Variants in RNF150 observed in about 807,000 individuals in gnomAD.
RNF150 encodes ring finger protein 150.
In RNF150, 24 loss-of-function variants were observed where a neutral mutation model predicts 39.3. The ratio of observed to expected loss-of-function variants is 0.61; its 90% confidence interval spans 0.44 to 0.86. The LOEUF is 0.86. RNF150 is among the 40% of genes least tolerant of loss of function. RNF150 has a pLI of 0.00. For missense variants in RNF150, 502 were observed against 587.8 expected (o/e 0.85, Z 1.51); for synonymous variants, 255 against 227.3 (o/e 1.12, Z -1.10).
chr4:141,100,178 C>T (rs1368620805), intron 1 of RNF150, among the ~76,000 whole-genome samples: 1 of 152,132 alleles, frequency 6.6e-6, no homozygotes, highest in Non-Finnish European at 1.5e-5. Flanking sequence ...CTTCTTTACC[C>T]AAATGCTATT....
At chr4:140,991,653 G>T (rs1340314676) in intron 1 of RNF150, among the ~76,000 whole-genome samples, 3 of 152,132 alleles carry the variant, frequency 2.0e-5, no homozygotes, top group Admixed American at 2.0e-4. Flanking sequence ...CCTTAAATAG[G>T]ATTCTAATTA....
chr4:141,033,781 T>C (rs752902983), intron 1 of RNF150, among the ~76,000 whole-genome samples: 20 of 152,200 alleles, frequency 1.3e-4, no homozygotes, highest in Non-Finnish European at 2.6e-4. Flanking sequence ...TGAGCAATCA[T>C]ATTTTGAAAG....
rs566213482 is a variant in RNF150 at position 140,919,658 on chromosome 4, A to C, written c.987+6319T>G. ...TGCCATCCCCATCAAGCTACCAATG[A>C]CTTTCTTCACAGAACTGGAAAAAAC... is the stretch of plus-strand genomic sequence containing the variant. On this transcript the variant is annotated intron_variant, in intron 5 of 6. Transcript: ENST00000515673. Among the ~76,000 whole-genome samples the C allele has an allele frequency of 2.0e-3, 308 of 150,664 alleles. 1 individual carries two copies. The highest frequency in any genetic ancestry group is 6.9e-3 in the African/African-American group (282 of 41,052).
At chr4:141,005,425 G>C (rs1175259238) in intron 1 of RNF150, among the ~76,000 whole-genome samples, 1 of 152,154 alleles carries the variant, frequency 6.6e-6, no homozygotes, top group African/African-American at 2.4e-5. Flanking sequence ...TTAAGCAGAG[G>C]AGAAGGAGCC....
chr4:141,172,981 G>A (rs1343327005), intron 1 of RNF150, among the ~76,000 whole-genome samples: 6 of 151,890 alleles, frequency 4.0e-5, no homozygotes, highest in Admixed American at 6.6e-5. Context: ...AGCCAAGATC[G>A]CGGCATTGCA....
intron 1 of RNF150, among the ~76,000 whole-genome samples, chr4:141,209,644 C>G (rs921094309): frequency 6.6e-6 from 1 of 152,050 alleles, no homozygotes; most frequent in South Asian, 2.1e-4. Context: ...GATTGGGTTG[C>G]TTGTCTTTTT....
rs2111141696 is a variant in RNF150, at chr4:141,151,500, A to G, written c.-6+61294T>C. ...AATTTAAGTCAATACTGAGAACTGT[A>G]GGAATGTTTTTCTTTAAAATGGTTA... On this transcript the variant is annotated intron_variant, in intron 1 of 7. Transcript: ENST00000420921. Among the ~76,000 whole-genome samples the G allele has an allele frequency of 3.3e-5, 5 of 151,582 alleles. No individual in the cohort carries two copies. The South Asian group carries it at 1.0e-3, about 32-fold the overall frequency.
At position 140,892,979 on chromosome 4, in the gene RNF150, G is replaced by T. The variant is rs9683842; in HGVS notation, c.1198+18165C>A. 1.5e-3 allele frequency among the ~76,000 whole-genome samples: 224 copies of T among 152,228 alleles called. 1 individual carries two copies. Among genetic ancestry groups the T allele is most frequent in the African/African-American group, 5.3e-3 (219 of 41,546 alleles). On this transcript the variant is annotated intron_variant, in intron 6 of 6. Transcript: ENST00000515673. ...GCTACTCAGGAGCTTGAGGTAAGAG[G>T]ATTGCTTGAGCCAAAAGATTGAGGC...
chr4:140,879,343 C>T (rs1032805272), intron 6 of RNF150, among the ~76,000 whole-genome samples: 1 of 152,158 alleles, frequency 6.6e-6, no homozygotes, highest in Admixed American at 6.5e-5. Context: ...ATTTTAACAA[C>T]ATTGTCTTCC....
At chr4:141,150,713 A>G (rs532632172) in intron 1 of RNF150, among the ~76,000 whole-genome samples, 2 of 152,160 alleles carry the variant, frequency 1.3e-5, no homozygotes, top group Admixed American at 1.3e-4. Context: ...TTAACATAGT[A>G]TATTGTTTAC....
At chr4:141,090,477 T>C (rs967510921) in intron 1 of RNF150, among the ~76,000 whole-genome samples, 9 of 152,208 alleles carry the variant, frequency 5.9e-5, no homozygotes, top group African/African-American at 1.9e-4. Context: ...CTACATTTAC[T>C]GATGCACAAA....
At chr4:141,057,407 T>C (rs1397748419) in intron 1 of RNF150, among the ~76,000 whole-genome samples, 1 of 152,100 alleles carries the variant, frequency 6.6e-6, no homozygotes, top group Non-Finnish European at 1.5e-5. Context: ...GTTACTTCTT[T>C]TAAAAAATTA....
intron 1 of RNF150, among the ~76,000 whole-genome samples, chr4:141,003,928 G>A (rs760567334): frequency 1.3e-5 from 2 of 152,108 alleles, no homozygotes; most frequent in Non-Finnish European, 2.9e-5. Context: ...GTTAGGAGAA[G>A]CCCACCCGCA....
intron 5 of RNF150, among the ~76,000 whole-genome samples, chr4:140,913,794 A>G (rs1730709384): frequency 6.6e-6 from 1 of 152,204 alleles, no homozygotes; most frequent in Non-Finnish European, 1.5e-5. Context: ...GTTGACTTGG[A>G]AATTTGATCT....
intron 1 of RNF150, among the ~76,000 whole-genome samples, chr4:141,143,228 G>A (rs767403126): frequency 3.3e-5 from 5 of 152,062 alleles, no homozygotes; most frequent in African/African-American, 9.7e-5. Flanking sequence ...CCCCAGACTC[G>A]CTTATCCAGC....
chr4:140,976,430 C>T (rs1288495262), intron 1 of RNF150, among the ~76,000 whole-genome samples: 1 of 151,952 alleles, frequency 6.6e-6, no homozygotes, highest in Non-Finnish European at 1.5e-5. Context: ...GAGGATGACC[C>T]AGCCAGTACT....
intron 4 of RNF150, among the ~76,000 whole-genome samples, chr4:140,941,801 T>C (rs1732092196): frequency 6.6e-6 from 1 of 152,150 alleles, no homozygotes; most frequent in South Asian, 2.1e-4. Context: ...ATTATAACAA[T>C]AGCAATAGCA....
intron 1 of RNF150, among the ~76,000 whole-genome samples, chr4:141,034,329 G>C (rs1236538819): frequency 6.6e-6 from 1 of 152,164 alleles, no homozygotes; most frequent in Admixed American, 6.6e-5. Context: ...TACCATTGAA[G>C]AGAATTAGGG....
intron 1 of RNF150, among the ~76,000 whole-genome samples, chr4:141,122,960 T>C (rs941730072): frequency 2.6e-5 from 4 of 152,256 alleles, no homozygotes; most frequent in Admixed American, 2.0e-4. Flanking sequence ...TGACACTCTA[T>C]GTCCTTCTGC....
Sources: allele counts gnomAD v4.1 joint callset (sites outside exome capture counted in the v4.1 genomes callset), GRCh38; gene constraint gnomAD v4.1.1; transcripts MANE v1.5; gene names NCBI Gene and HGNC (gene_info 2026-07-23, HGNC 2026-07-21).